Variants in ROPN1L observed in about 807,000 individuals in gnomAD.
The protein encoded by ROPN1L is rhophilin associated tail protein 1 like.
In ROPN1L, 23 loss-of-function variants were observed where a neutral mutation model predicts 22.7. The ratio of observed to expected loss-of-function variants is 1.01; its 90% CI spans 0.73 to 1.43. ROPN1L has a LOEUF of 1.43. Among genes scored for constraint, ROPN1L ranks in the 40% most tolerant of loss-of-function variants. ROPN1L has a pLI of 0.00. For synonymous variants in ROPN1L, 116 were observed against 117.8 expected, an observed-to-expected ratio of 0.98 and a Z score of 0.10; for missense variants, 271 against 291.5, an observed-to-expected ratio of 0.93 and a Z score of 0.51.
chr5:10,476,235 C>T (rs1417495926), downstream of ROPN1L, among the ~76,000 whole-genome samples: 1 of 152,224 alleles, frequency 6.6e-6, no homozygotes, highest in Non-Finnish European at 1.5e-5. Context: ...GTCCCCAACT[C>T]CTGTTCCAGC....
downstream of ROPN1L, among the ~76,000 whole-genome samples, chr5:10,465,244 G>A (rs181755308): frequency 1.5e-3 from 236 of 152,330 alleles, no homozygotes; most frequent in African/African-American, 5.4e-3. Flanking sequence ...GGCCGGGCGC[G>A]TTGGCTCACG....
chr5:10,462,592 A>G lies in ROPN1L; in HGVS notation c.593+1233A>G, dbSNP rs185582128. Among the ~76,000 whole-genome samples the G allele has an allele frequency of 2.0e-3, 306 of 152,308 alleles. 1 individual carries two copies. The highest frequency in any genetic ancestry group is 7.0e-3 in the African/African-American group (292 of 41,566). ...ATGTCAGGTGGTACTAAATTGTAGC[A>G]TGTTAAAAAGTGAGATAGAGGCTGG... On this transcript the variant is annotated intron_variant, in intron 4 of 4. Transcript: ENST00000274134.
Position 10,442,170 on chromosome 5 carries a change from GC to G in ROPN1L, c.5del (p.Pro2ArgfsTer22), listed in dbSNP as rs760134882. On this transcript the variant is annotated frameshift_variant, in exon 1 of 5. Coordinates refer to ENST00000274134, the MANE Select transcript of ROPN1L (RefSeq NM_031916.5). LOFTEE classifies it high-confidence loss of function. MPLPDTMFCAQQ... is the reference protein window; with the variant it reads MXLPDTMFCAQQ... Reference sequence around the variant, plus strand: ...CCTGGTCCCTTCTGCGGAGAGCGATGCCGCTTCCCGACACCATGTTCTGCGC... The same window carrying G: ...CCTGGTCCCTTCTGCGGAGAGCGATGCGCTTCCCGACACCATGTTCTGCGC... 1.4e-5 allele frequency: 23 copies of G among 1,613,406 alleles called. No individual in the cohort carries two copies. In the Middle Eastern group the frequency reaches 5.0e-4, roughly 35 times the overall value.
At chr5:10,464,628 C>A (rs150836390) in intron 4 of ROPN1L, among the ~76,000 whole-genome samples, 231 of 152,324 alleles carry the variant, frequency 1.5e-3, no homozygotes, top group African/African-American at 5.4e-3. Context: ...CATATAGCAC[C>A]CATCTTTTCA....
chr5:10,448,558 A>G (rs886200107), intron 2 of ROPN1L, among the ~76,000 whole-genome samples, 175 bp downstream of exon 2: 26 of 152,220 alleles, frequency 1.7e-4, no homozygotes, highest in Non-Finnish European at 1.3e-4. Context: ...AGGAAGAAAT[A>G]TGTTGTGTCT....
chr5:10,478,422 C>T, the ROPN1L span, among the ~76,000 whole-genome samples: 1 of 152,216 alleles, frequency 6.6e-6, no homozygotes, highest in African/African-American at 2.4e-5. Context: ...AATTTTTGGA[C>T]TTCTAGCTTC....
chr5:10,458,942 C>T (rs897939780), intron 3 of ROPN1L, among the ~76,000 whole-genome samples: 2 of 119,750 alleles, frequency 1.7e-5, no homozygotes, highest in Admixed American at 8.5e-5. Context: ...TACACCATCC[C>T]GCCCGTGTAC....
chr5:10,442,410 G>T (rs1213357801), intron 1 of ROPN1L, 112 bp downstream of exon 1: 2 of 1,377,454 alleles, frequency 1.5e-6, no homozygotes, highest in Non-Finnish European at 9.8e-7. Context: ...GTCCTTAAGA[G>T]TATCAGGCAA....
At chr5:10,462,016 G>GT (rs530907041) in intron 4 of ROPN1L, among the ~76,000 whole-genome samples, 12 of 152,166 alleles carry the variant, frequency 7.9e-5, no homozygotes, top group African/African-American at 2.2e-4. Flanking sequence ...TCCTTTTAGG[G>GT]TTTCTTTTTC....
chr5:10,464,950 C>T lies in ROPN1L; in HGVS notation c.*3C>T. 6.5e-7 allele frequency: 1 copy of T among 1,529,098 alleles called. No homozygotes were observed. Among genetic ancestry groups the T allele is most frequent in the Non-Finnish European group, 8.9e-7 (1 of 1,121,020 alleles). 94.7% of individuals were successfully genotyped at this position (1,529,098 alleles called of 1,614,324 possible). Reference sequence around the variant, plus strand: ...ACTCTGAAGATGTAGGCCATTAATACAGAGAAGAATACATTTTAATGTCAA... The same window carrying T: ...ACTCTGAAGATGTAGGCCATTAATATAGAGAAGAATACATTTTAATGTCAA... On this transcript the variant is annotated 3_prime_UTR_variant, in exon 5 of 5. Coordinates refer to ENST00000274134, the MANE Select transcript of ROPN1L (RefSeq NM_031916.5).
intron 2 of ROPN1L, among the ~76,000 whole-genome samples, chr5:10,449,454 G>A (rs1411238257): frequency 6.6e-6 from 1 of 152,196 alleles, no homozygotes; most frequent in Non-Finnish European, 1.5e-5. Flanking sequence ...GGGAGGTGGA[G>A]GTTGCAGTGA....
chr5:10,454,697 C>T (rs1361192877), intron 3 of ROPN1L, among the ~76,000 whole-genome samples: 1 of 152,214 alleles, frequency 6.6e-6, no homozygotes, highest in Non-Finnish European at 1.5e-5. Context: ...CAGATGCACA[C>T]GTGTCTAACG....
chr5:10,465,736 C>T (rs1424711512), downstream of ROPN1L, among the ~76,000 whole-genome samples: 1 of 151,874 alleles, frequency 6.6e-6, no homozygotes, highest in Non-Finnish European at 1.5e-5. Flanking sequence ...CCTGTAATCC[C>T]AGCTACTCAG....
chr5:10,462,670 G>T (rs1445145553), intron 4 of ROPN1L, among the ~76,000 whole-genome samples: 1 of 152,160 alleles, frequency 6.6e-6, no homozygotes, highest in Non-Finnish European at 1.5e-5. Context: ...GAGGCAGGTG[G>T]ATCACTTGAG....
chr5:10,471,654 C>A (rs184663485), intron 4 of ROPN1L, among the ~76,000 whole-genome samples: 1 of 152,110 alleles, frequency 6.6e-6, no homozygotes, highest in Admixed American at 6.5e-5. Context: ...GAAGCTGTTG[C>A]GGGGATCCAC....
chr5:10,457,681 C>T (rs1451002823), intron 3 of ROPN1L, among the ~76,000 whole-genome samples: 1 of 152,196 alleles, frequency 6.6e-6, no homozygotes, highest in African/African-American at 2.4e-5. Context: ...GTCCCATAGC[C>T]TGGAGCGGCC....
At chr5:10,476,003 A>G (rs1260298749), downstream of ROPN1L, among the ~76,000 whole-genome samples, 1 of 152,344 alleles carries the variant, frequency 6.6e-6, no homozygotes, top group East Asian at 1.9e-4. Context: ...GCATGGGTGC[A>G]GTTCATAGGA....
intron 4 of ROPN1L, among the ~76,000 whole-genome samples, chr5:10,470,604 C>T (rs1456205795): frequency 6.6e-6 from 1 of 152,210 alleles, no homozygotes; most frequent in African/African-American, 2.4e-5. Context: ...CATGCTTTCC[C>T]CGAGGTTGGA....
intron 3 of ROPN1L, among the ~76,000 whole-genome samples, chr5:10,454,175 G>T (rs936449350): frequency 1.3e-5 from 2 of 152,040 alleles, no homozygotes; most frequent in African/African-American, 4.8e-5. Flanking sequence ...CACCCAGGCT[G>T]GAGTGCAGTG....
Sources: gnomAD v4.1 joint callset for allele counts (sites outside exome capture counted in the v4.1 genomes callset) on GRCh38, gnomAD v4.1.1 for gene constraint, MANE v1.5 for transcripts, NCBI Gene and HGNC (gene_info 2026-07-23, HGNC 2026-07-21) for gene names.